Variants in CRACDL observed in about 807,000 individuals in gnomAD.
The protein encoded by CRACDL is CRACD-like protein.
A neutral mutation model predicts 70.6 loss-of-function variants in CRACDL; 26 were observed. The observed-to-expected ratio is 0.37, with a 90% CI of 0.27 to 0.51. The LOEUF (loss-of-function observed/expected upper bound fraction) is 0.51, where lower values mean the gene tolerates loss of function less well. Ranked by LOEUF, CRACDL falls within the 20% of genes least tolerant of loss-of-function variation. The pLI, the probability that CRACDL is intolerant of heterozygous loss-of-function variation, is 0.94. For synonymous variants in CRACDL, 618 were observed against 615.2 expected (o/e 1.00, Z -0.07); for missense variants, 1,283 against 1,376.9 (o/e 0.93, Z 1.08).
intron 7 of CRACDL, among the ~76,000 whole-genome samples, chr2:98,810,155 T>C (rs2104432630): frequency 1.3e-5 from 2 of 152,206 alleles, no homozygotes; most frequent in East Asian, 3.9e-4. Flanking sequence ...AGAAAAACCC[T>C]GGAAGTTCTC....
intron 1 of CRACDL, among the ~76,000 whole-genome samples, chr2:98,885,897 T>A (rs779274410): frequency 6.9e-6 from 1 of 145,060 alleles, no homozygotes; most frequent in African/African-American, 2.6e-5. Context: ...CTCTCCCCCA[T>A]GAAAATAATG....
chr2:98,827,221 T>C, intron 5 of CRACDL, 52 bp from the exon 6 acceptor site: 1 of 1,326,976 alleles, frequency 7.5e-7, no homozygotes, highest in Non-Finnish European at 1.1e-6. Flanking sequence ...CCGTGTGAAA[T>C]AAGGACGACC....
chr2:98,848,069 C>T (rs1035101770), intron 1 of CRACDL, among the ~76,000 whole-genome samples: 1 of 152,204 alleles, frequency 6.6e-6, no homozygotes, highest in Non-Finnish European at 1.5e-5. Flanking sequence ...CTTGGAACCT[C>T]ACCAGATTTG....
intron 1 of CRACDL, among the ~76,000 whole-genome samples, chr2:98,895,087 G>A (rs922410653): frequency 6.6e-6 from 1 of 151,950 alleles, no homozygotes; most frequent in Non-Finnish European, 1.5e-5. Flanking sequence ...CTCCAGCCTG[G>A]GCAACAGAGG....
intron 7 of CRACDL, among the ~76,000 whole-genome samples, chr2:98,817,642 T>C (rs1015763825): frequency 6.6e-6 from 1 of 152,226 alleles, no homozygotes; most frequent in African/African-American, 2.4e-5. Flanking sequence ...GTCAGTCCCC[T>C]GTGCTCTTCC....
chr2:98,909,194 C>T (rs776237667), intron 1 of CRACDL, among the ~76,000 whole-genome samples: 3 of 152,214 alleles, frequency 2.0e-5, no homozygotes, highest in Non-Finnish European at 2.9e-5. Flanking sequence ...GGTTTCTCTG[C>T]ACATCAGGAG....
chr2:98,901,200 A>G (rs1708270829), intron 1 of CRACDL, among the ~76,000 whole-genome samples: 1 of 152,186 alleles, frequency 6.6e-6, no homozygotes, highest in African/African-American at 2.4e-5. Context: ...TGAGAGTTAA[A>G]TGCCGATGTG....
intron 7 of CRACDL, among the ~76,000 whole-genome samples, chr2:98,806,978 G>A (rs1704330429): frequency 6.6e-6 from 1 of 152,098 alleles, no homozygotes; most frequent in South Asian, 2.1e-4. Context: ...CTCAGCACTA[G>A]TCAGGTAGGG....
intron 2 of CRACDL, among the ~76,000 whole-genome samples, chr2:98,842,546 C>G (rs1375593068): frequency 1.3e-5 from 2 of 152,218 alleles, no homozygotes; most frequent in Middle Eastern, 3.4e-3. Context: ...TGTCCTCATG[C>G]TGCCCTTTTG....
chr2:98,916,172 A>G (rs1419396135), intron 1 of CRACDL, among the ~76,000 whole-genome samples: 2 of 152,250 alleles, frequency 1.3e-5, no homozygotes, highest in African/African-American at 4.8e-5. Flanking sequence ...TCGTAGCAAC[A>G]GAAAGGAAGA....
chr2:98,853,766 CA>C (rs1483073669), intron 1 of CRACDL, among the ~76,000 whole-genome samples: 1 of 152,120 alleles, frequency 6.6e-6, no homozygotes, highest in Non-Finnish European at 1.5e-5. Context: ...TAGACTATCA[CA>C]AGGTTCTGGC....
chr2:98,899,069 C>G (rs1245736938), intron 1 of CRACDL, among the ~76,000 whole-genome samples: 1 of 152,162 alleles, frequency 6.6e-6, no homozygotes, highest in Admixed American at 6.5e-5. Context: ...TCAAACCAAA[C>G]AGGGACCTGA....
rs554253384 is a variant in CRACDL, at chr2:98,906,135, G to C, written c.-11+29803C>G. On this transcript the variant is annotated intron_variant, in intron 1 of 9. Coordinates refer to ENST00000397899, the MANE Select transcript of CRACDL (RefSeq NM_207362.3). ...TCTGCTAATTTCTTTTCAGTGTTTCGTCACTCTGTGACTCAGTTTGAATGG... is the reference window on the plus strand; with the variant it reads ...TCTGCTAATTTCTTTTCAGTGTTTCCTCACTCTGTGACTCAGTTTGAATGG... Among the ~76,000 whole-genome samples the C allele has an allele frequency of 8.6e-5, 13 of 152,008 alleles. 1 individual carries two copies. The South Asian group carries it at 2.7e-3, about 32-fold the overall frequency.
At chr2:98,845,492 G>A (rs1706221741) in intron 2 of CRACDL, among the ~76,000 whole-genome samples, 1 of 152,050 alleles carries the variant, frequency 6.6e-6, no homozygotes, top group African/African-American at 2.4e-5. Context: ...GCTGTGCCTG[G>A]CCCATTTTCC....
intron 7 of CRACDL, 55 bp from the exon 8 acceptor site, chr2:98,797,592 AC>A: frequency 6.5e-7 from 1 of 1,543,524 alleles, no homozygotes; most frequent in Non-Finnish European, 8.9e-7. Flanking sequence ...CTTCGGTTGC[AC>A]CCTTTGTGTC....
In CRACDL at chr2:98,823,310, G is replaced by A. The variant is rs1436898815; in HGVS notation, c.963C>T (p.Ser321=). 29 of 1,443,080 alleles carry A rather than the reference G, an allele frequency of 2.0e-5. No individual in the cohort carries two copies. Among genetic ancestry groups the A allele is most frequent in the Non-Finnish European group, 1.8e-6 (2 of 1,109,684 alleles). The allele number at this position is 1,443,080 out of a possible 1,614,324, so 89.4% of individuals were successfully genotyped here. A position where few individuals can be genotyped will look rare whatever the true frequency, so the allele number is the denominator to read the frequency against. ...RLQHSSALTA[S]VEEGGVPGED... ...CCCCGGGGACGCCCCCCTCCTCCAC[G>A]CTGGCCGTGAGCGCGGAGGAGTGCT... is the stretch of plus-strand genomic sequence containing the variant. The change falls in exon 7 of 10, where the codon AGC becomes AGT. Residue 321 remains serine (S), a synonymous_variant. Transcript: ENST00000397899. This position sits in a 1 kb window ranked among gnomAD's most constrained non-coding sequence, Gnocchi z 4.0.
chr2:98,864,605 G>T (rs1232919703), intron 1 of CRACDL, among the ~76,000 whole-genome samples: 2 of 151,060 alleles, frequency 1.3e-5, no homozygotes, highest in African/African-American at 4.9e-5. Context: ...TGAGTGCAGC[G>T]GCACGATCTC....
At position 98,796,240 on chromosome 2, in the gene CRACDL, C is replaced by T. The variant is rs148191766; in HGVS notation, c.2629G>A (p.Val877Ile). The change falls in exon 9 of 10, where the codon GTT (valine) becomes ATT (isoleucine). Residue 877 changes from valine to isoleucine, a missense_variant. This residue lies in a region of CRACDL where 921 missense variants were observed against 881.9 expected (regional missense o/e 1.04). Coordinates refer to ENST00000397899, the MANE Select transcript of CRACDL (RefSeq NM_207362.3). ...GQEPVKQADF[V>I]RSKSFLITPV... ...GTTATCAGGAAAGACTTGCTGCGAACAAAGTCAGCTTGCTTCACAGGCTCC... is the reference window on the plus strand; with the variant it reads ...GTTATCAGGAAAGACTTGCTGCGAATAAAGTCAGCTTGCTTCACAGGCTCC... 4,004 of 1,614,176 alleles carry T rather than the reference C, an allele frequency of 2.5e-3. 4 individuals are homozygous for T. Among genetic ancestry groups the T allele is most frequent in the Non-Finnish European group, 3.1e-3 (3,632 of 1,179,972 alleles).
intron 1 of CRACDL, chr2:98,869,352 C>T (rs1707261538): frequency 3.8e-6 from 4 of 1,062,706 alleles, no homozygotes; most frequent in African/African-American, 1.7e-5. Flanking sequence ...GGTGCACAGG[C>T]ACACAGCAGA....
Sources: allele counts gnomAD v4.1 joint callset (sites outside exome capture counted in the v4.1 genomes callset), GRCh38; gene constraint gnomAD v4.1.1; regional missense constraint gnomAD v4.1.1; non-coding constraint Gnocchi (gnomAD v3.1); transcripts MANE v1.5; gene names NCBI Gene and HGNC (gene_info 2026-07-23, HGNC 2026-07-21).